The following PFKFB3 variants were observed in gnomAD, a reference collection of about 807,000 sequenced individuals.
The protein encoded by PFKFB3 is 6-phosphofructo-2-kinase/fructose-2,6-biphosphatase 3, also known as 6-phosphofructo-2-kinase/fructose-2,6-bisphosphatase 3.
Under a neutral mutation model 68.0 loss-of-function variants are expected in PFKFB3, and 33 were observed. The ratio of observed to expected loss-of-function variants is 0.49; its 90% CI spans 0.37 to 0.65. The LOEUF is 0.65. Ranked by LOEUF, PFKFB3 falls within the 30% of genes least tolerant of loss-of-function variation. PFKFB3 has a pLI of 0.00. For synonymous variants in PFKFB3, 315 were observed against 288.2 expected (o/e 1.09, Z -0.94); for missense variants, 586 against 712.2 (o/e 0.82, Z 2.02).
rs1446589943 is a variant in PFKFB3, at chr10:6,219,604, C to A, written c.534C>A (p.Cys178Ter). 4 of 1,613,758 alleles carry A rather than the reference C, an allele frequency of 2.5e-6. No homozygotes were observed. Among genetic ancestry groups the A allele is most frequent in the Non-Finnish European group, 3.4e-6 (4 of 1,179,826 alleles). The change falls in exon 7 of 15, where the codon TGC becomes TGA. Residue 178 changes from cysteine (C) to a stop codon, truncating the protein, a stop_gained. Transcript: ENST00000379775. LOFTEE classifies it high-confidence loss of function. Reference protein sequence around the residue: ...VKISSPDYKDCNSAEAMDDFM... With the variant: ...VKISSPDYKD Reference sequence around the variant, plus strand: ...TCTCCAGCCCGGATTACAAAGACTGCAACTCGGCAGAAGCCATGGACGACT... The same window carrying A: ...TCTCCAGCCCGGATTACAAAGACTGAAACTCGGCAGAAGCCATGGACGACT...
downstream of PFKFB3, among the ~76,000 whole-genome samples, chr10:6,257,096 A>C (rs2132086940): frequency 6.6e-6 from 1 of 152,312 alleles, no homozygotes; most frequent in Non-Finnish European, 1.5e-5. Flanking sequence ...TCCCAACAGC[A>C]GCATCATAAA....
chr10:6,231,239 C>T (rs1272377766), intron 14 of PFKFB3: 7 of 1,444,708 alleles, frequency 4.8e-6, no homozygotes, highest in African/African-American at 4.2e-5. Flanking sequence ...CCTGTTTCTT[C>T]CTCTCCCCCA....
chr10:6,216,892 T>G (rs1844623413), intron 5 of PFKFB3, 112 bp downstream of exon 5: 2 of 851,342 alleles, frequency 2.3e-6, no homozygotes, highest in Non-Finnish European at 3.9e-6. Flanking sequence ...TGTTCCTTAG[T>G]CCTGCTCGGT....
the PFKFB3 span, among the ~76,000 whole-genome samples, chr10:6,274,992 A>AT: frequency 2.6e-5 from 4 of 152,026 alleles, no homozygotes; most frequent in East Asian, 5.8e-4. Flanking sequence ...GGAGGAAAAG[A>AT]TTTTTTTTCC....
chr10:6,249,168 C>T (rs1846322278), intron 14 of PFKFB3, among the ~76,000 whole-genome samples: 1 of 132,552 alleles, frequency 7.5e-6, no homozygotes, highest in South Asian at 2.4e-4. Context: ...GAGCAAAACT[C>T]CGTCTCAATT....
chr10:6,269,868 C>T, the PFKFB3 span, among the ~76,000 whole-genome samples: 7 of 152,166 alleles, frequency 4.6e-5, no homozygotes, highest in African/African-American at 1.2e-4. Context: ...TGGTGGCTCA[C>T]GCTTGTAATC....
chr10:6,300,766 G>T, the PFKFB3 span, among the ~76,000 whole-genome samples: 1 of 152,046 alleles, frequency 6.6e-6, no homozygotes, highest in Non-Finnish European at 1.5e-5. Flanking sequence ...TTCATTCCTG[G>T]GCTTGATTTC....
chr10:6,272,460 G>T, the PFKFB3 span, among the ~76,000 whole-genome samples: 3 of 152,108 alleles, frequency 2.0e-5, no homozygotes, highest in Non-Finnish European at 4.4e-5. Context: ...TTGGGAGGCC[G>T]AGGCGGGCGG....
intron 1 of PFKFB3, among the ~76,000 whole-genome samples, chr10:6,168,637 T>C (rs1372648179): frequency 6.6e-6 from 1 of 152,236 alleles, no homozygotes; most frequent in Non-Finnish European, 1.5e-5. Context: ...AGGAACTTTC[T>C]GCCCAGCAAT....
At chr10:6,230,079 A>G (rs957903067) in intron 14 of PFKFB3, among the ~76,000 whole-genome samples, 1 of 152,178 alleles carries the variant, frequency 6.6e-6, no homozygotes, top group African/African-American at 2.4e-5. Context: ...GGGAGGAGCC[A>G]TTCGGGGATA....
chr10:6,150,631 C>T (rs1343237379), intron 1 of PFKFB3, among the ~76,000 whole-genome samples: 1 of 151,706 alleles, frequency 6.6e-6, no homozygotes, highest in Non-Finnish European at 1.5e-5. Context: ...TCAAAAATAA[C>T]AATAATAATA....
In PFKFB3 at chr10:6,213,738, C is replaced by A; in HGVS notation, c.192C>A (p.Val64=). The change falls in exon 2 of 15, where the codon GTC becomes GTA. Residue 64 remains valine, a synonymous_variant. Transcript: ENST00000379775. The part of the protein sequence containing the change: ...KLTRYLNWIG[V]PTKVFNVGEY... ...CTCGCTACCTCAACTGGATTGGCGT[C>A]CCCACAAAAGGTGAGACTGGGTCTC... 1 of 1,612,518 alleles carries A rather than the reference C, an allele frequency of 6.2e-7. No homozygotes were observed. The highest frequency in any genetic ancestry group is 1.1e-5 in the South Asian group (1 of 90,678).
At chr10:6,243,153 A>G (rs1323519337) in intron 14 of PFKFB3, among the ~76,000 whole-genome samples, 1 of 152,218 alleles carries the variant, frequency 6.6e-6, no homozygotes, top group Non-Finnish European at 1.5e-5. Flanking sequence ...TCAAGTTCCA[A>G]GACAACCAAG....
intron 1 of PFKFB3, among the ~76,000 whole-genome samples, chr10:6,180,575 T>C (rs147524592): frequency 4.7e-4 from 72 of 151,910 alleles, no homozygotes; most frequent in African/African-American, 1.7e-3. Context: ...AACAATCCTC[T>C]TGTGTCAGCC....
chr10:6,203,045 C>T lies in PFKFB3; in HGVS notation c.-216C>T. On this transcript the variant is annotated 5_prime_UTR_variant, in exon 1 of 15. Transcript: ENST00000379775. Reference sequence around the variant, plus strand: ...GACGAGCCGGCCGTGCCGGGCATCCCCAGCCTCGCTACCCTCGCAGCACAC... The same window carrying T: ...GACGAGCCGGCCGTGCCGGGCATCCTCAGCCTCGCTACCCTCGCAGCACAC... The T allele has an allele frequency of 7.2e-7, 1 of 1,382,958 alleles. No individual in the cohort carries two copies. Among genetic ancestry groups the T allele is most frequent in the Non-Finnish European group, 9.3e-7 (1 of 1,073,696 alleles). 85.7% of individuals were successfully genotyped at this position (1,382,958 alleles called of 1,614,324 possible).
chr10:6,220,551 G>A lies in PFKFB3; in HGVS notation c.624-107G>A, dbSNP rs543478623. The A allele has an allele frequency of 1.8e-4, 176 of 987,770 alleles. No individual in the cohort carries two copies. The highest frequency in any genetic ancestry group is 3.7e-4 in the South Asian group (26 of 70,078). The allele number at this position is 987,770 out of a possible 1,614,324, so 61.2% of individuals were successfully genotyped here. On this transcript the variant is annotated intron_variant, in intron 7 of 14. Coordinates refer to ENST00000379775, the MANE Select transcript of PFKFB3 (RefSeq NM_004566.4). The surrounding 1 kb of genome is among the most constrained non-coding windows in gnomAD (Gnocchi z 4.1). The stretch of plus-strand genomic sequence containing the variant: ...CAGTCTGTGCCCTGGAGGGGCCTAC[G>A]GTCCCGCCTTGCTGTTCTCTGGGGA...
At chr10:6,182,286 GCACA>G (rs931721290) in intron 1 of PFKFB3, among the ~76,000 whole-genome samples, 1 of 151,716 alleles carries the variant, frequency 6.6e-6, no homozygotes, top group Non-Finnish European at 1.5e-5. Context: ...ACAGAAGCAC[GCACA>G]CACACACCCC....
intron 1 of PFKFB3, among the ~76,000 whole-genome samples, chr10:6,185,898 C>T (rs973265644): frequency 1.3e-5 from 2 of 152,152 alleles, no homozygotes; most frequent in Non-Finnish European, 2.9e-5. Context: ...CCTCAGCCTC[C>T]CAAAGTGCTG....
Position 6,216,865 on chromosome 10 carries a change from T to A in PFKFB3, c.441+85T>A, listed in dbSNP as rs1433531555. 6.9e-6 allele frequency: 6 copies of A among 871,024 alleles called. 1 individual carries two copies. In the South Asian group the frequency reaches 8.3e-5, roughly 12 times the overall value. The allele number at this position is 871,024 out of a possible 1,614,324, so 54.0% of individuals were successfully genotyped here. A position where few individuals can be genotyped will look rare whatever the true frequency, so the allele number is the denominator to read the frequency against. On this transcript the variant is annotated intron_variant, in intron 5 of 14. Transcript: ENST00000379775. Reference sequence around the variant, plus strand: ...AGCGGCCTGAGTCCTGCTTGGTCCTTCCCCTCCTGCTGCCCATGTTCCTTA... The same window carrying A: ...AGCGGCCTGAGTCCTGCTTGGTCCTACCCCTCCTGCTGCCCATGTTCCTTA...
Sources: gnomAD v4.1 joint callset for allele counts (sites outside exome capture counted in the v4.1 genomes callset) on GRCh38, gnomAD v4.1.1 for gene constraint, Gnocchi (gnomAD v3.1) non-coding constraint, MANE v1.5 for transcripts, NCBI Gene and HGNC (gene_info 2026-07-23, HGNC 2026-07-21) for gene names.